The following DNAH3 variants were observed in gnomAD, a reference collection of about 807,000 sequenced individuals.
The protein encoded by DNAH3 is axonemal beta dynein heavy chain 3.
DNAH3 carries 332 observed loss-of-function variants against 432.5 expected under a neutral mutation model. The observed-to-expected ratio is 0.77, with a 90% CI of 0.70 to 0.84. The LOEUF is 0.84. DNAH3 is among the 40% of genes least tolerant of loss of function. The probability of loss-of-function intolerance (pLI) is 0.00; values close to 1 mark genes in which losing one functional copy is unlikely to be tolerated. For missense variants in DNAH3, 4,861 were observed against 5,114.0 expected (o/e 0.95, Z 1.51); for synonymous variants, 1,956 against 1,900.2 (o/e 1.03, Z -0.76).
Position 21,019,673 on chromosome 16 carries a change from T to TG in DNAH3, c.5972dup (p.Arg1992LysfsTer21). 1 of 1,614,132 alleles carries TG rather than the reference T, an allele frequency of 6.2e-7. No homozygotes were observed. The highest frequency in any genetic ancestry group is 1.1e-5 in the South Asian group (1 of 91,072). The stretch of plus-strand genomic sequence containing the variant: ...TGGTGAGTTTGACGCTTTTGGGCCT[T>TG]GGGTGGTTATCATCCATGCCCATGA... On this transcript the variant is annotated frameshift_variant, in exon 41 of 62. Coordinates refer to ENST00000261383, the Ensembl canonical transcript of DNAH3. LOFTEE classifies it high-confidence loss of function.
intron 31 of DNAH3, among the ~76,000 whole-genome samples, chr16:21,046,081 A>T (rs886627969): frequency 2.7e-5 from 4 of 148,934 alleles, no homozygotes; most frequent in African/African-American, 9.9e-5. Flanking sequence ...TGCTGAGGAG[A>T]GCTTTACTTC....
intron 1 of DNAH3, among the ~76,000 whole-genome samples, chr16:21,155,621 C>CAAAAAAA (rs369001374): frequency 2.6e-5 from 2 of 76,758 alleles, no homozygotes; most frequent in East Asian, 3.9e-4. Flanking sequence ...GACTCCGTCT[C>CAAAAAAA]AAAAAAAAAA....
exon 43 of DNAH3, chr16:21,000,323 A>C (rs1390855760): frequency 6.2e-7 from 1 of 1,613,972 alleles, no homozygotes; most frequent in African/African-American, 1.3e-5. Flanking sequence ...TGATTGGCTG[A>C]GGTTCTGGCA....
chr16:21,049,378 G>C (rs934264227), intron 31 of DNAH3, among the ~76,000 whole-genome samples, 191 bp downstream of exon 31: 1 of 152,176 alleles, frequency 6.6e-6, no homozygotes, highest in Non-Finnish European at 1.5e-5. Flanking sequence ...ATGGGGAGAT[G>C]GGGCTATGTG....
At position 21,066,298 on chromosome 16, in the gene DNAH3, T is replaced by A. The variant is rs536171002; in HGVS notation, c.3518+985A>T. Among the ~76,000 whole-genome samples, 5 of 152,248 alleles carry A rather than the reference T, an allele frequency of 3.3e-5. No individual in the cohort carries two copies. The East Asian group carries it at 9.6e-4, about 29-fold the overall frequency. ...TCAAATGACATGGAGTGACCATCAA[T>A]GGTGAACTAGTCATGGATAGATTAT... On this transcript the variant is annotated intron_variant, in intron 24 of 61. Coordinates refer to ENST00000261383, the Ensembl canonical transcript of DNAH3.
intron 52 of DNAH3, among the ~76,000 whole-genome samples, chr16:20,967,831 C>T (rs1479599831): frequency 6.6e-6 from 1 of 151,766 alleles, no homozygotes; most frequent in Non-Finnish European, 1.5e-5. Flanking sequence ...TTTAACCTCT[C>T]CAGGTGATTC....
chr16:21,072,217 T>TTTAA (rs199648098), intron 21 of DNAH3, among the ~76,000 whole-genome samples: 15,419 of 141,506 alleles, frequency 0.11, 799 homozygotes, highest in East Asian at 0.17. Context: ...GGGACCTTTG[T>TTTAA]TTAATTAATT....
intron 21 of DNAH3, among the ~76,000 whole-genome samples, chr16:21,074,645 C>T (rs1273956123): frequency 6.6e-6 from 1 of 152,032 alleles, no homozygotes; most frequent in Non-Finnish European, 1.5e-5. Context: ...GCCTGGGAGG[C>T]AGAGGTTGCA....
chr16:21,131,522 A>G (rs1382500908), intron 7 of DNAH3, among the ~76,000 whole-genome samples: 1 of 151,158 alleles, frequency 6.6e-6, no homozygotes, highest in Non-Finnish European at 1.5e-5. Context: ...GGAAGGAAGG[A>G]AGGAAGGAAA....
intron 36 of DNAH3, among the ~76,000 whole-genome samples, chr16:21,032,213 T>C (rs1008415357): frequency 6.6e-6 from 1 of 151,832 alleles, no homozygotes; most frequent in African/African-American, 2.4e-5. Flanking sequence ...AAAGAACAGA[T>C]CAGAACCTTG....
intron 54 of DNAH3, among the ~76,000 whole-genome samples, chr16:20,957,828 A>G (rs1460104942): frequency 3.8e-5 from 3 of 79,642 alleles, no homozygotes; most frequent in South Asian, 4.7e-4. Context: ...AAAAAAAAAA[A>G]AAAAAAAAAA....
At chr16:21,090,833 T>C (rs2091510999) in intron 18 of DNAH3, among the ~76,000 whole-genome samples, 1 of 152,198 alleles carries the variant, frequency 6.6e-6, no homozygotes, top group Admixed American at 6.5e-5. Context: ...TCTATTGTAG[T>C]GCATGGTGAC....
intron 51 of DNAH3, 111 bp from the exon 52 acceptor site, chr16:20,970,101 A>G (rs2085270395): frequency 9.8e-7 from 1 of 1,022,948 alleles, no homozygotes; most frequent in Admixed American, 1.9e-5. Flanking sequence ...TTCCTCTTCC[A>G]GATACCCTTT....
At chr16:21,082,810 AGAGT>A (rs1248709623) in intron 19 of DNAH3, among the ~76,000 whole-genome samples, 1 of 136,824 alleles carries the variant, frequency 7.3e-6, no homozygotes, top group East Asian at 2.2e-4. Flanking sequence ...CCTGGGCAAC[AGAGT>A]GAGACTCCAT....
chr16:20,943,864 G>C (rs2083922688), intron 58 of DNAH3, among the ~76,000 whole-genome samples: 1 of 152,032 alleles, frequency 6.6e-6, no homozygotes, highest in Non-Finnish European at 1.5e-5. Flanking sequence ...TGTGCTTGTA[G>C]TCCCAGCTAC....
chr16:21,107,046 G>T (rs72780865), intron 14 of DNAH3, among the ~76,000 whole-genome samples: 1 of 151,436 alleles, frequency 6.6e-6, no homozygotes, highest in Non-Finnish European at 1.5e-5. Flanking sequence ...TAACATTATC[G>T]AAAGCAACAT....
chr16:21,120,506 C>A, intron 11 of DNAH3: 1 of 581,146 alleles, frequency 1.7e-6, no homozygotes, highest in Non-Finnish European at 3.1e-6. Context: ...CTTAGTCAAC[C>A]TGCAGGACTA....
intron 58 of DNAH3, among the ~76,000 whole-genome samples, chr16:20,943,799 G>A (rs2083920233): frequency 6.6e-6 from 1 of 151,798 alleles, no homozygotes; most frequent in South Asian, 2.1e-4. Context: ...TGGACAATAT[G>A]ATGAAACACT....
intron 56 of DNAH3, 65 bp from the exon 57 acceptor site, chr16:20,948,702 T>G: frequency 1.3e-6 from 2 of 1,558,260 alleles, no homozygotes; most frequent in South Asian, 1.1e-5. Context: ...TGGTGGTTGA[T>G]GTAAAACACG....
Sources: allele counts gnomAD v4.1 joint callset (sites outside exome capture counted in the v4.1 genomes callset), GRCh38; gene constraint gnomAD v4.1.1; transcripts MANE v1.5; gene names NCBI Gene and HGNC (gene_info 2026-07-23, HGNC 2026-07-21).